The following PPP6R3 variants were observed in gnomAD, a reference collection of about 807,000 sequenced individuals.
PPP6R3 encodes serine/threonine-protein phosphatase 6 regulatory subunit 3.
In PPP6R3, 38 loss-of-function variants were observed where a neutral mutation model predicts 110.7. The ratio of observed to expected loss-of-function variants is 0.34; its 90% CI spans 0.26 to 0.45. The LOEUF is 0.45. Ranked by LOEUF, PPP6R3 falls within the 20% of genes least tolerant of loss-of-function variation. PPP6R3 has a pLI of 1.00. For synonymous variants in PPP6R3, 369 were observed against 373.5 expected, an observed-to-expected ratio of 0.99 and a Z score of 0.14; for missense variants, 870 against 1,062.4, an observed-to-expected ratio of 0.82 and a Z score of 2.52.
At chr11:68,558,911 TA>T (rs367869504) in intron 8 of PPP6R3, among the ~76,000 whole-genome samples, 58 of 152,368 alleles carry the variant, frequency 3.8e-4, no homozygotes, top group African/African-American at 1.1e-3. Context: ...TCTAGTCATA[TA>T]TTTTTTTGGT....
intron 8 of PPP6R3, among the ~76,000 whole-genome samples, chr11:68,560,546 A>G (rs1403961047): frequency 6.6e-6 from 1 of 152,216 alleles, no homozygotes; most frequent in Middle Eastern, 3.2e-3. Context: ...TATCAGTTGA[A>G]GAAATTGAAC....
At chr11:68,572,922 C>G (rs926292570) in intron 12 of PPP6R3, among the ~76,000 whole-genome samples, 1 of 149,866 alleles carries the variant, frequency 6.7e-6, no homozygotes, top group African/African-American at 2.5e-5. Flanking sequence ...CTTTATTTTC[C>G]AAGCAAGCCT....
chr11:68,531,737 G>T (rs910001539), intron 2 of PPP6R3, among the ~76,000 whole-genome samples: 1 of 152,132 alleles, frequency 6.6e-6, no homozygotes, highest in Non-Finnish European at 1.5e-5. Flanking sequence ...GTTGGTGCCT[G>T]TATGTTCTAG....
chr11:68,596,292 G>A, intron 19 of PPP6R3, 74 bp downstream of exon 19: 5 of 1,581,196 alleles, frequency 3.2e-6, no homozygotes, highest in Non-Finnish European at 4.3e-6. Flanking sequence ...CAAAGGAGCA[G>A]TTCACAGCAT....
intron 19 of PPP6R3, among the ~76,000 whole-genome samples, chr11:68,599,409 G>C (rs1164305089): frequency 1.3e-5 from 2 of 152,226 alleles, no homozygotes; most frequent in African/African-American, 4.8e-5. Context: ...AGGCAGCATA[G>C]TAAGAAGAGC....
chr11:68,464,934 T>C (rs1219382442), intron 1 of PPP6R3, among the ~76,000 whole-genome samples: 2 of 150,234 alleles, frequency 1.3e-5, no homozygotes, highest in Non-Finnish European at 3.0e-5. Context: ...CAGGCTGGAG[T>C]GCAGTGGCAT....
At chr11:68,471,012 G>T (rs2098787416) in intron 1 of PPP6R3, among the ~76,000 whole-genome samples, 1 of 152,038 alleles carries the variant, frequency 6.6e-6, no homozygotes, top group Admixed American at 6.6e-5. Context: ...GCCGGGCGCG[G>T]TGGCTCACTC....
In PPP6R3 at chr11:68,564,276, A is replaced by G. The variant is rs150192338; in HGVS notation, c.846-27A>G. 8.9e-5 allele frequency: 141 copies of G among 1,577,544 alleles called. No individual in the cohort carries two copies. The African/African-American group carries it at 1.5e-3, about 17-fold the overall frequency. On this transcript the variant is annotated intron_variant, in intron 8 of 23. Coordinates refer to ENST00000393800, the MANE Select transcript of PPP6R3 (RefSeq NM_001164161.2). ...GAATGATTTGTTCTGAAATTATAAT[A>G]ACTAAAATTCCTTGCTTTGTTTCAA...
chr11:68,565,029 G>C (rs2099454985), intron 9 of PPP6R3, among the ~76,000 whole-genome samples: 1 of 152,056 alleles, frequency 6.6e-6, no homozygotes, highest in South Asian at 2.1e-4. Flanking sequence ...CTTGCTTTTG[G>C]AGTCTAGGGT....
chr11:68,497,984 A>G (rs2099027728), intron 1 of PPP6R3, among the ~76,000 whole-genome samples: 2 of 152,166 alleles, frequency 1.3e-5, no homozygotes, highest in Admixed American at 6.5e-5. Flanking sequence ...GTATTTGTGG[A>G]TGACCTGGAT....
At chr11:68,534,238 A>C (rs1042328355) in intron 2 of PPP6R3, among the ~76,000 whole-genome samples, 1 of 152,192 alleles carries the variant, frequency 6.6e-6, no homozygotes, top group African/African-American at 2.4e-5. Context: ...GCAGAAAGCA[A>C]AGTGGGTGTT....
At chr11:68,569,304 T>G (rs2099493007) in intron 10 of PPP6R3, among the ~76,000 whole-genome samples, 1 of 152,204 alleles carries the variant, frequency 6.6e-6, no homozygotes, top group Non-Finnish European at 1.5e-5. Flanking sequence ...TTATGAGGGA[T>G]ACCTTCCAAG....
intron 15 of PPP6R3, among the ~76,000 whole-genome samples, chr11:68,584,200 G>A (rs1417475029): frequency 6.6e-6 from 1 of 152,198 alleles, no homozygotes; most frequent in African/African-American, 2.4e-5. Context: ...GTCCCTAGGG[G>A]GCACTGTTGA....
Position 68,564,317 on chromosome 11 carries a change from T to C in PPP6R3, c.860T>C (p.Ile287Thr). The change falls in exon 9 of 24, where the codon ATA becomes ACA. Residue 287 changes from isoleucine (I) to threonine (T), a missense_variant. Ile to Thr is a moderately conservative substitution (Grantham distance 89). Transcript: ENST00000393800. ...TTTGTTTCAAGATTTGAAGGCCATA[T>C]AGAGATCTGCCCACCAGGCATGAGC... ...ETRRPTFEGH[I>T]EICPPGMSHS... 1.9e-6 allele frequency: 3 copies of C among 1,611,804 alleles called. No individual in the cohort carries two copies. The highest frequency in any genetic ancestry group is 2.5e-6 in the Non-Finnish European group (3 of 1,178,094).
intron 8 of PPP6R3, among the ~76,000 whole-genome samples, chr11:68,561,215 T>C (rs1343630506): frequency 1.3e-5 from 2 of 152,188 alleles, no homozygotes; most frequent in African/African-American, 4.8e-5. Flanking sequence ...GTAAATGATA[T>C]ATGTTAAGCT....
chr11:68,528,717 C>CCT (rs1055783984), intron 2 of PPP6R3, among the ~76,000 whole-genome samples: 1 of 152,186 alleles, frequency 6.6e-6, no homozygotes, highest in African/African-American at 2.4e-5. Context: ...TGTTAATAGA[C>CCT]ACTTTCCTCC....
chr11:68,491,587 C>G (rs2098984673), intron 1 of PPP6R3, among the ~76,000 whole-genome samples: 1 of 152,012 alleles, frequency 6.6e-6, no homozygotes, highest in African/African-American at 2.4e-5. Flanking sequence ...TGGGCTCAAG[C>G]AGTCCTCCTA....
chr11:68,614,503 G>GA lies in PPP6R3; in HGVS notation c.*1391dup. The GA allele has an allele frequency of 7.1e-7, 1 of 1,413,320 alleles. No individual in the cohort carries two copies. 87.5% of individuals were successfully genotyped at this position (1,413,320 alleles called of 1,614,324 possible). ...GTATTTAAAACCAAAAGGATATTCT[G>GA]AAAAATGGCCAACAATTTTTTTAGA... is the stretch of plus-strand genomic sequence containing the variant. On this transcript the variant is annotated 3_prime_UTR_variant, in exon 24 of 24. Transcript: ENST00000393800.
chr11:68,576,721 G>A (rs551169849), intron 14 of PPP6R3, among the ~76,000 whole-genome samples: 1 of 152,278 alleles, frequency 6.6e-6, no homozygotes, highest in African/African-American at 2.4e-5. Flanking sequence ...GTCGAGGGGT[G>A]GCCTTTGCTT....
Sources: allele counts gnomAD v4.1 joint callset (sites outside exome capture counted in the v4.1 genomes callset), GRCh38; gene constraint gnomAD v4.1.1; transcripts MANE v1.5; gene names NCBI Gene and HGNC (gene_info 2026-07-23, HGNC 2026-07-21).